BICRAL: variants seen among roughly 807,000 people sequenced by gnomAD.
BICRAL encodes the protein BICRA like chromatin remodeling complex associated protein.
BICRAL carries 8 observed loss-of-function variants against 91.8 expected under a neutral mutation model. The observed-to-expected ratio is 0.09, with a 90% CI of 0.05 to 0.16. The LOEUF (loss-of-function observed/expected upper bound fraction) is 0.16, where lower values mean the gene tolerates loss of function less well. BICRAL is among the 10% of genes least tolerant of loss of function. BICRAL has a pLI of 1.00. For missense variants in BICRAL, 1,038 were observed against 1,310.9 expected, an observed-to-expected ratio of 0.79 and a Z score of 3.21; for synonymous variants, 445 against 491.1, an observed-to-expected ratio of 0.91 and a Z score of 1.24.
intron 1 of BICRAL, among the ~76,000 whole-genome samples, chr6:42,787,347 G>A (rs1216703151): frequency 1.3e-5 from 2 of 152,148 alleles, no homozygotes; most frequent in Middle Eastern, 3.2e-3. Flanking sequence ...CAAGCGGAGA[G>A]TTAAGTAGGC....
In BICRAL at chr6:42,770,727, T is replaced by C. The variant is rs1232458404; in HGVS notation, c.-260-11112T>C. Reference sequence around the variant, plus strand: ...CACCCCACCCGGTCAGTGTTTTTGTTTTTTTCGGTCTGGAGTGCAGTGGCG... The same window carrying C: ...CACCCCACCCGGTCAGTGTTTTTGTCTTTTTCGGTCTGGAGTGCAGTGGCG... On this transcript the variant is annotated intron_variant, in intron 1 of 14. Coordinates refer to the BICRAL transcript ENST00000614467. Among the ~76,000 whole-genome samples, 3 of 140,374 alleles carry C rather than the reference T, an allele frequency of 2.1e-5. No homozygotes were observed. In the East Asian group the frequency reaches 6.4e-4, roughly 30 times the overall value. 92.1% of individuals were successfully genotyped at this position (140,374 alleles called of 152,430 possible).
intron 1 of BICRAL, among the ~76,000 whole-genome samples, chr6:42,753,692 A>T (rs571047337): frequency 5.1e-4 from 78 of 151,832 alleles, no homozygotes; most frequent in African/African-American, 1.7e-3. Flanking sequence ...GCTCAGTGCA[A>T]CCCCCGCCTC....
At chr6:42,820,748 T>C (rs1764114071) in intron 2 of BICRAL, among the ~76,000 whole-genome samples, 1 of 152,174 alleles carries the variant, frequency 6.6e-6, no homozygotes, top group South Asian at 2.1e-4. Context: ...TTCTCAACCA[T>C]CATTTCTCCT....
intron 11 of BICRAL, among the ~76,000 whole-genome samples, chr6:42,861,179 G>A (rs1001988607): frequency 6.6e-6 from 1 of 152,110 alleles, no homozygotes; most frequent in African/African-American, 2.4e-5. Context: ...GAGGTCAGGA[G>A]TTTGAGACCA....
chr6:42,859,102 G>A (rs1285098001), intron 10 of BICRAL, among the ~76,000 whole-genome samples: 1 of 152,012 alleles, frequency 6.6e-6, no homozygotes, highest in Admixed American at 6.6e-5. Context: ...AACAGGGGGT[G>A]TGAAAGGGCT....
rs781263097 is a variant in BICRAL, at chr6:42,864,687, C to T, written c.2481C>T (p.Ser827=). 2.5e-6 allele frequency: 4 copies of T among 1,613,884 alleles called. No individual in the cohort carries two copies. The highest frequency in any genetic ancestry group is 3.4e-6 in the Non-Finnish European group (4 of 1,179,892). The stretch of plus-strand genomic sequence containing the variant: ...GTTTTCAGGCTGATTTCTGTTGTTC[C>T]TTCAAACTTGATAAAGCTGCTCATG... The part of the protein sequence containing the change: ...PEGFQADFCC[S]FKLDKAAHET... The change falls in exon 13 of 13, where the codon TCC becomes TCT. Residue 827 remains serine (S), a synonymous_variant. Transcript: ENST00000314073.
At chr6:42,798,490 A>C (rs957471822) in intron 1 of BICRAL, among the ~76,000 whole-genome samples, 1 of 152,140 alleles carries the variant, frequency 6.6e-6, no homozygotes, top group Non-Finnish European at 1.5e-5. Flanking sequence ...TGAGGCAAGG[A>C]GTTTGAGACC....
intron 11 of BICRAL, 73 bp from the exon 12 acceptor site, chr6:42,862,437 G>T (rs757418237): frequency 6.6e-5 from 63 of 952,764 alleles, no homozygotes; most frequent in Non-Finnish European, 9.7e-5. Flanking sequence ...GTACCAATGT[G>T]TAAATTATTT....
chr6:42,756,731 C>G (rs139037366), intron 1 of BICRAL, among the ~76,000 whole-genome samples: 1 of 152,188 alleles, frequency 6.6e-6, no homozygotes, highest in Non-Finnish European at 1.5e-5. Flanking sequence ...GCAATAATTT[C>G]TCACAATTCT....
chr6:42,815,909 G>A (rs576394703), intron 2 of BICRAL, among the ~76,000 whole-genome samples: 35 of 149,870 alleles, frequency 2.3e-4, no homozygotes, highest in South Asian at 2.1e-4. Context: ...ACTTGAACCC[G>A]GTAAGCGGAG....
intron 1 of BICRAL, among the ~76,000 whole-genome samples, chr6:42,758,704 G>A (rs1334164486): frequency 2.7e-5 from 4 of 145,754 alleles, no homozygotes; most frequent in African/African-American, 5.1e-5. Flanking sequence ...TGATGGAGTC[G>A]GGGGGTCCAA....
intron 1 of BICRAL, among the ~76,000 whole-genome samples, chr6:42,782,876 C>A (rs1762961444): frequency 6.6e-6 from 1 of 151,650 alleles, no homozygotes; most frequent in Non-Finnish European, 1.5e-5. Flanking sequence ...CCAATCTCCT[C>A]CCCTCTGTTT....
rs373691206 is a variant in BICRAL, at chr6:42,766,204, T to C, written c.-260-15635T>C. 2.0e-5 allele frequency among the ~76,000 whole-genome samples: 3 copies of C among 152,268 alleles called. No homozygotes were observed. The East Asian group carries it at 5.8e-4, about 29-fold the overall frequency. ...GACTTTGTAAAGTTCTCTGATATTA[T>C]CTGAGTAGTCAAGTTCTTTAGGATT... On this transcript the variant is annotated intron_variant, in intron 1 of 14. Coordinates refer to the BICRAL transcript ENST00000614467.
chr6:42,772,475 G>A (rs1008915579), intron 1 of BICRAL, among the ~76,000 whole-genome samples: 7 of 152,134 alleles, frequency 4.6e-5, no homozygotes, highest in Non-Finnish European at 8.8e-5. Context: ...CAGGGGCAGG[G>A]TATTCTCTGT....
intron 1 of BICRAL, among the ~76,000 whole-genome samples, chr6:42,771,535 G>T (rs1241666587): frequency 6.6e-6 from 1 of 151,968 alleles, no homozygotes; most frequent in Non-Finnish European, 1.5e-5. Flanking sequence ...TAGGGAAGGA[G>T]GGTTTTGAGG....
intron 6 of BICRAL, among the ~76,000 whole-genome samples, chr6:42,844,824 T>C (rs1475284785): frequency 6.6e-6 from 1 of 152,010 alleles, no homozygotes; most frequent in African/African-American, 2.4e-5. Flanking sequence ...AAAGAAGAGC[T>C]TTTTTCACAG....
chr6:42,782,953 C>T (rs1204304888), intron 1 of BICRAL, among the ~76,000 whole-genome samples: 2 of 136,126 alleles, frequency 1.5e-5, no homozygotes, highest in Non-Finnish European at 3.2e-5. Context: ...TTCTTCTCGG[C>T]AAAATGGACC....
chr6:42,860,479 A>G lies in BICRAL; in HGVS notation c.2349+123A>G, dbSNP rs1327067967. 3 of 603,032 alleles carry G rather than the reference A, an allele frequency of 5.0e-6. No individual in the cohort carries two copies. In the East Asian group the frequency reaches 8.7e-5, roughly 18 times the overall value. The allele number at this position is 603,032 out of a possible 1,614,324, so 37.4% of individuals were successfully genotyped here. On this transcript the variant is annotated intron_variant, in intron 11 of 12. Coordinates refer to ENST00000314073, the MANE Select transcript of BICRAL (RefSeq NM_001393499.1). ...AAAAGTAACAGATATTTCACACTGTAGAAAAACTTACGCTTAGCTGCTACT... is the reference window on the plus strand; with the variant it reads ...AAAAGTAACAGATATTTCACACTGTGGAAAAACTTACGCTTAGCTGCTACT...
intron 6 of BICRAL, among the ~76,000 whole-genome samples, chr6:42,843,396 G>C (rs546398578): frequency 6.0e-4 from 91 of 152,298 alleles, no homozygotes; most frequent in African/African-American, 2.1e-3. Flanking sequence ...GAGGCGAGTA[G>C]GGTGTTAGGT....
Sources: allele counts gnomAD v4.1 joint callset (sites outside exome capture counted in the v4.1 genomes callset), GRCh38; gene constraint gnomAD v4.1.1; transcripts MANE v1.5; gene names NCBI Gene and HGNC (gene_info 2026-07-23, HGNC 2026-07-21).